CNTNAP3B: variants seen among roughly 807,000 people sequenced by gnomAD.
CNTNAP3B encodes contactin associated protein family member 3B, also known as contactin-associated protein-like 3B.
Under a neutral mutation model 108.9 loss-of-function variants are expected in CNTNAP3B, and 25 were observed. That is an observed-to-expected ratio of 0.23 (90% CI 0.17 to 0.32). CNTNAP3B has a LOEUF of 0.32. CNTNAP3B is among the 10% of genes least tolerant of loss of function. The pLI is 1.00. For synonymous variants in CNTNAP3B, 103 were observed against 473.4 expected (o/e 0.22, Z 10.16); for missense variants, 252 against 1,210.4 (o/e 0.21, Z 11.75).
intron 14 of CNTNAP3B, among the ~76,000 whole-genome samples, chr9:41,937,188 C>A (rs1554739577): frequency 2.0e-5 from 3 of 148,338 alleles, no homozygotes; most frequent in African/African-American, 7.6e-5. Flanking sequence ...AGTGCAGTGG[C>A]GCGATCTCAG....
At chr9:41,932,654 GGATT>G (rs1454208796) in intron 14 of CNTNAP3B, among the ~76,000 whole-genome samples, 4 of 152,298 alleles carry the variant, frequency 2.6e-5, no homozygotes, top group Admixed American at 6.5e-5. Context: ...AGAGTAGCTG[GGATT>G]ACATGCGTGC....
At chr9:41,942,229 A>G (rs1824371435) in intron 13 of CNTNAP3B, among the ~76,000 whole-genome samples, 1 of 152,290 alleles carries the variant, frequency 6.6e-6, no homozygotes, top group African/African-American at 2.4e-5. Flanking sequence ...TAATCCCAGC[A>G]CTTTGGGAGG....
chr9:42,097,296 T>G (rs1827922312), intron 2 of CNTNAP3B, among the ~76,000 whole-genome samples: 1 of 140,096 alleles, frequency 7.1e-6, no homozygotes, highest in South Asian at 2.3e-4. Context: ...GCGTCCAAGT[T>G]AGTTCCAATT....
chr9:42,120,936 C>T (rs180870329), intron 1 of CNTNAP3B, among the ~76,000 whole-genome samples: 4,730 of 137,434 alleles, frequency 0.034, 1,118 homozygotes, highest in African/African-American at 0.13. Flanking sequence ...CAAACCTGCA[C>T]GTTGTGCACA....
intron 2 of CNTNAP3B, among the ~76,000 whole-genome samples, chr9:42,096,729 C>A (rs552738019): frequency 1.8e-5 from 2 of 110,362 alleles, no homozygotes; most frequent in South Asian, 5.9e-4. Context: ...CTGACTTACG[C>A]CAGGACTCAC....
intron 3 of CNTNAP3B, among the ~76,000 whole-genome samples, chr9:42,014,706 G>A (rs368636284): frequency 0.014 from 686 of 50,704 alleles, 18 homozygotes; most frequent in South Asian, 0.051. Context: ...CAGAAGAATG[G>A]TGTGAACCCG....
Position 42,123,914 on chromosome 9 carries a change from C to T in CNTNAP3B, c.85+5096G>A, listed in dbSNP as rs1295536364. Among the ~76,000 whole-genome samples, 15 of 123,076 alleles carry T rather than the reference C, an allele frequency of 1.2e-4. 3 individuals are homozygous for T. The highest frequency in any genetic ancestry group is 1.7e-5 in the Non-Finnish European group (1 of 59,870). The allele number at this position is 123,076 out of a possible 152,430, so 80.7% of individuals were successfully genotyped here. ...TTTCTTAGGGCCTCAATTGCAAATG[C>T]TTTAATTGCCAATGGTTCATAAACA... On this transcript the variant is annotated intron_variant, in intron 1 of 23. Transcript: ENST00000377561.
intron 3 of CNTNAP3B, among the ~76,000 whole-genome samples, chr9:42,062,336 G>A (rs1240073397): frequency 6.6e-5 from 3 of 45,166 alleles, no homozygotes; most frequent in African/African-American, 2.7e-4. Context: ...GAGCCACTGC[G>A]CCCAGCCCCC....
chr9:41,967,826 C>G (rs547825578), intron 10 of CNTNAP3B, among the ~76,000 whole-genome samples: 4 of 152,264 alleles, frequency 2.6e-5, no homozygotes, highest in Non-Finnish European at 5.9e-5. Context: ...ATTTGTAGCC[C>G]TATTTGAAAA....
chr9:42,099,102 C>A lies in CNTNAP3B; in HGVS notation c.196+5527G>T, dbSNP rs1355164555. Reference sequence around the variant, plus strand: ...GGAGAAGAAATGAGGCAGAAAGTATCTTTTTAAACACAATGCTCATTCACT... The same window carrying A: ...GGAGAAGAAATGAGGCAGAAAGTATATTTTTAAACACAATGCTCATTCACT... On this transcript the variant is annotated intron_variant, in intron 2 of 23. Coordinates refer to ENST00000377561, the MANE Select transcript of CNTNAP3B (RefSeq NM_001201380.3). Among the ~76,000 whole-genome samples, 2 of 134,328 alleles carry A rather than the reference C, an allele frequency of 1.5e-5. 1 individual carries two copies. Among genetic ancestry groups the A allele is most frequent in the Non-Finnish European group, 3.2e-5 (2 of 63,166 alleles). 88.1% of individuals were successfully genotyped at this position (134,328 alleles called of 152,430 possible).
At chr9:41,926,251 T>C (rs1823816018) in intron 15 of CNTNAP3B, among the ~76,000 whole-genome samples, 2 of 152,120 alleles carry the variant, frequency 1.3e-5, no homozygotes, top group African/African-American at 4.8e-5. Flanking sequence ...TTCCCCAGTG[T>C]GGAACCTAGC....
chr9:42,074,542 A>AT (rs1157494137), intron 3 of CNTNAP3B, among the ~76,000 whole-genome samples: 1 of 147,926 alleles, frequency 6.8e-6, no homozygotes. Flanking sequence ...TAGCATTAAC[A>AT]TTTTTTTCAC....
chr9:41,928,683 G>A (rs1445434163), intron 15 of CNTNAP3B, among the ~76,000 whole-genome samples: 3 of 152,022 alleles, frequency 2.0e-5, no homozygotes, highest in Non-Finnish European at 4.4e-5. Context: ...CTTCTCCACG[G>A]CAATGTATGA....
chr9:41,973,743 A>C, intron 9 of CNTNAP3B, among the ~76,000 whole-genome samples: 1 of 139,940 alleles, frequency 7.1e-6, no homozygotes, highest in East Asian at 2.1e-4. Flanking sequence ...TGCTGCTTGA[A>C]AAACACTTCA....
At chr9:42,087,604 T>C (rs530999695) in intron 2 of CNTNAP3B, among the ~76,000 whole-genome samples, 33 of 144,668 alleles carry the variant, frequency 2.3e-4, no homozygotes, top group African/African-American at 8.6e-4. Context: ...TTGTTGTTTG[T>C]GGTGCCATGA....
chr9:42,090,735 T>G lies in CNTNAP3B; in HGVS notation c.197-13673A>C, dbSNP rs1381990447. Among the ~76,000 whole-genome samples, 6 of 29,832 alleles carry G rather than the reference T, an allele frequency of 2.0e-4. 3 individuals carry two copies. The highest frequency in any genetic ancestry group is 5.8e-4 in the African/African-American group (6 of 10,370). 19.6% of individuals were successfully genotyped at this position (29,832 alleles called of 152,430 possible). A position where few individuals can be genotyped will look rare whatever the true frequency, so the allele number is the denominator to read the frequency against. On this transcript the variant is annotated intron_variant, in intron 2 of 23. Transcript: ENST00000377561. Reference sequence around the variant, plus strand: ...CATATATGTATATGTGTATATGTACTGACATATGTGTGTTTATATGCACAC... The same window carrying G: ...CATATATGTATATGTGTATATGTACGGACATATGTGTGTTTATATGCACAC...
intron 15 of CNTNAP3B, among the ~76,000 whole-genome samples, chr9:41,925,088 C>A (rs1677244989): frequency 6.6e-6 from 1 of 152,038 alleles, no homozygotes; most frequent in African/African-American, 2.4e-5. Flanking sequence ...GTTTCTCCAA[C>A]ATGAAGTTAT....
intron 2 of CNTNAP3B, among the ~76,000 whole-genome samples, chr9:42,084,354 G>A (rs1476294007): frequency 8.7e-6 from 1 of 114,986 alleles, no homozygotes; most frequent in African/African-American, 3.4e-5. Flanking sequence ...GAGAGGGCTG[G>A]AATGGAGTCA....
intron 14 of CNTNAP3B, among the ~76,000 whole-genome samples, chr9:41,934,122 T>TACAC (rs201541186): frequency 2.7e-5 from 2 of 73,474 alleles, no homozygotes; most frequent in African/African-American, 1.2e-4. Context: ...TATATATATA[T>TACAC]ACACACACAT....
Sources: gnomAD v4.1 joint callset for allele counts (sites outside exome capture counted in the v4.1 genomes callset) on GRCh38, gnomAD v4.1.1 for gene constraint, MANE v1.5 for transcripts, NCBI Gene and HGNC (gene_info 2026-07-23, HGNC 2026-07-21) for gene names.